SYT16: variants seen among roughly 807,000 people sequenced by gnomAD.
The protein encoded by SYT16 is synaptotagmin-16.
A neutral mutation model predicts 61.4 loss-of-function variants in SYT16; 42 were observed. The ratio of observed to expected loss-of-function variants is 0.68; its 90% CI spans 0.53 to 0.89. The LOEUF (loss-of-function observed/expected upper bound fraction) is 0.89, where lower values mean the gene tolerates loss of function less well. Ranked by LOEUF, SYT16 falls within the 40% of genes least tolerant of loss-of-function variation. The pLI is 0.00. For missense variants in SYT16, 804 were observed against 807.3 expected, an observed-to-expected ratio of 1.00 and a Z score of 0.05; for synonymous variants, 314 against 302.3, an observed-to-expected ratio of 1.04 and a Z score of -0.40.
At chr14:61,975,573 C>T (rs575086204) in intron 2 of SYT16, among the ~76,000 whole-genome samples, 1 of 152,078 alleles carries the variant, frequency 6.6e-6, no homozygotes, top group African/African-American at 2.4e-5. Context: ...GGGAAGAGTG[C>T]CTTATAAAAC....
At chr14:62,003,196 G>A (rs2053090209) in intron 3 of SYT16, among the ~76,000 whole-genome samples, 1 of 152,002 alleles carries the variant, frequency 6.6e-6, no homozygotes, top group African/African-American at 2.4e-5. Flanking sequence ...GAATCTTGGT[G>A]GGGCTTCTTA....
chr14:61,817,838 G>A (rs1386779829), intron 1 of SYT16, among the ~76,000 whole-genome samples: 1 of 152,152 alleles, frequency 6.6e-6, no homozygotes, highest in African/African-American at 2.4e-5. Flanking sequence ...AATGTCAAAG[G>A]CTTTAGGAAA....
At chr14:61,994,796 T>A (rs1195159723) in intron 2 of SYT16, among the ~76,000 whole-genome samples, 1 of 152,208 alleles carries the variant, frequency 6.6e-6, no homozygotes, top group Non-Finnish European at 1.5e-5. Context: ...ATTTAATAGA[T>A]AATCAATATT....
In SYT16 at chr14:62,084,401, T is replaced by C; in HGVS notation, c.1624+16T>C. On this transcript the variant is annotated intron_variant, in intron 7 of 7. Transcript: ENST00000683842. ...CGAGCACCTGGTAAGTGTGAGTCTG[T>C]TCTCCCAGCTCTGGTTCTTCCAGAG... is the stretch of plus-strand genomic sequence containing the variant. 1 of 1,604,842 alleles carries C rather than the reference T, an allele frequency of 6.2e-7. No individual in the cohort carries two copies. Among genetic ancestry groups the C allele is most frequent in the Non-Finnish European group, 8.5e-7 (1 of 1,177,330 alleles).
chr14:62,016,509 C>T (rs1253930733), intron 3 of SYT16, among the ~76,000 whole-genome samples: 21 of 138,012 alleles, frequency 1.5e-4, no homozygotes, highest in Non-Finnish European at 2.1e-4. Flanking sequence ...TTGGCTAACA[C>T]GGTGTGAAAC....
intron 1 of SYT16, among the ~76,000 whole-genome samples, chr14:61,836,560 C>T (rs1449025685): frequency 2.0e-5 from 3 of 152,226 alleles, no homozygotes; most frequent in African/African-American, 7.2e-5. Context: ...ATTTTCCTTT[C>T]TACTCCACCT....
intron 3 of SYT16, among the ~76,000 whole-genome samples, chr14:62,007,089 G>A (rs1048503065): frequency 6.6e-6 from 1 of 152,192 alleles, no homozygotes; most frequent in African/African-American, 2.4e-5. Flanking sequence ...ACCCTTTGCA[G>A]ATTGAAGGTA....
chr14:62,087,501 A>G (rs1268605021), intron 7 of SYT16, among the ~76,000 whole-genome samples: 2 of 152,182 alleles, frequency 1.3e-5, no homozygotes, highest in African/African-American at 4.8e-5. Flanking sequence ...ATGATCACAT[A>G]AAGAATGGTT....
At chr14:62,040,923 T>G (rs368921920) in intron 3 of SYT16, among the ~76,000 whole-genome samples, 1 of 152,068 alleles carries the variant, frequency 6.6e-6, no homozygotes, top group South Asian at 2.1e-4. Context: ...GGGACAGAAC[T>G]AATAGGATAG....
intron 1 of SYT16, among the ~76,000 whole-genome samples, chr14:61,858,120 C>CAAAAAAAAAAAAAAAA (rs34781118): frequency 4.6e-5 from 2 of 43,230 alleles, no homozygotes; most frequent in Admixed American, 3.7e-4. Context: ...CACAGCTTGG[C>CAAAAAAAAAAAAAAAA]AAAAAAAAAA....
Position 61,834,316 on chromosome 14 carries a change from G to T in SYT16, c.-325+21506G>T, listed in dbSNP as rs554406278. Among the ~76,000 whole-genome samples the T allele has an allele frequency of 5.3e-5, 8 of 151,310 alleles. No individual in the cohort carries two copies. In the East Asian group the frequency reaches 1.6e-3, roughly 30 times the overall value. ...TGGCTAATTTTTTATATTTTTAGTA[G>T]AGACAGGGTTCCATCATGTTAGCCA... On this transcript the variant is annotated intron_variant, in intron 1 of 7. Transcript: ENST00000683842.
At chr14:62,050,088 G>C (rs2055200917) in intron 3 of SYT16, among the ~76,000 whole-genome samples, 1 of 152,132 alleles carries the variant, frequency 6.6e-6, no homozygotes, top group African/African-American at 2.4e-5. Context: ...CCTCCATTCT[G>C]CCCGTCACTT....
chr14:62,016,468 CA>C (rs1269617262), intron 3 of SYT16, among the ~76,000 whole-genome samples: 1 of 146,902 alleles, frequency 6.8e-6, no homozygotes, highest in African/African-American at 2.5e-5. Flanking sequence ...CCAAGGCGGG[CA>C]GATCACAAGG....
intron 1 of SYT16, among the ~76,000 whole-genome samples, chr14:61,892,304 C>T (rs933617524): frequency 6.6e-6 from 1 of 152,084 alleles, no homozygotes; most frequent in African/African-American, 2.4e-5. Flanking sequence ...TCTCTCCCTC[C>T]ACCTCTAGCT....
At chr14:61,923,068 T>G (rs1281603960) in intron 1 of SYT16, among the ~76,000 whole-genome samples, 2 of 142,000 alleles carry the variant, frequency 1.4e-5, no homozygotes, top group South Asian at 4.5e-4. Flanking sequence ...AAAAAAAAAA[T>G]GAAGTGGACC....
intron 5 of SYT16, among the ~76,000 whole-genome samples, chr14:62,078,999 G>T (rs1458386448): frequency 6.6e-6 from 1 of 152,120 alleles, no homozygotes; most frequent in South Asian, 2.1e-4. Flanking sequence ...ATGGTATTTG[G>T]CATAAGAAAT....
At chr14:61,998,102 G>T (rs1245078625) in intron 3 of SYT16, among the ~76,000 whole-genome samples, 1 of 152,018 alleles carries the variant, frequency 6.6e-6, no homozygotes, top group Non-Finnish European at 1.5e-5. Flanking sequence ...TGGTGAGAGA[G>T]TTTGAGAACC....
At chr14:62,039,827 T>C (rs1333487464) in intron 3 of SYT16, among the ~76,000 whole-genome samples, 1 of 121,378 alleles carries the variant, frequency 8.2e-6, no homozygotes. Flanking sequence ...TCAGAGGGGC[T>C]TAAGCATACA....
At chr14:62,018,281 C>CTCTTCTTCTTCT (rs1271025523) in intron 3 of SYT16, among the ~76,000 whole-genome samples, 2 of 95,422 alleles carry the variant, frequency 2.1e-5, no homozygotes, top group African/African-American at 7.9e-5. Context: ...TTGGGTCTTT[C>CTCTTCTTCTTCT]TCTTCTTCTT....
Sources: allele counts gnomAD v4.1 joint callset (sites outside exome capture counted in the v4.1 genomes callset), GRCh38; gene constraint gnomAD v4.1.1; transcripts MANE v1.5; gene names NCBI Gene and HGNC (gene_info 2026-07-23, HGNC 2026-07-21).